Variants in URI1 observed in about 807,000 individuals in gnomAD.
URI1 encodes the protein unconventional prefoldin RPB5 interactor 1.
Under a neutral mutation model 60.2 loss-of-function variants are expected in URI1, and 39 were observed. That is an observed-to-expected ratio of 0.65 (90% CI 0.50 to 0.85). The LOEUF is 0.85. URI1 is among the 40% of genes least tolerant of loss of function. URI1 has a pLI of 0.00. For synonymous variants in URI1, 251 were observed against 236.8 expected (o/e 1.06, Z -0.55); for missense variants, 691 against 665.9 (o/e 1.04, Z -0.42).
Position 29,978,385 on chromosome 19 carries a change from AGGCAAAG to A in URI1, c.153-6834_153-6828del, listed in dbSNP as rs577064454. 8.3e-3 allele frequency among the ~76,000 whole-genome samples: 1,271 copies of A among 152,286 alleles called. 10 individuals carry two copies. Among genetic ancestry groups the A allele is most frequent in the Non-Finnish European group, 0.014 (978 of 68,016 alleles). On this transcript the variant is annotated intron_variant, in intron 2 of 10. Coordinates refer to ENST00000392271, the MANE Select transcript of URI1 (RefSeq NM_003796.3). ...CCAGCTCAAGTCCAGTATCTGACTG[AGGCAAAG>A]GGCTTAGGGCTTACTGCTTTGGGCA...
At chr19:29,965,928 G>A (rs1051231854) in intron 1 of URI1, among the ~76,000 whole-genome samples, 2 of 152,208 alleles carry the variant, frequency 1.3e-5, no homozygotes, top group Non-Finnish European at 2.9e-5. Flanking sequence ...AGAAGCCTGT[G>A]TAGGAGGAAT....
At chr19:29,923,766 C>A (rs2054842303) in intron 1 of URI1, 1 of 1,536,156 alleles carries the variant, frequency 6.5e-7, no homozygotes. Context: ...TGAGTTGAAG[C>A]TTGACAGTGT....
rs11673092 is a variant in URI1 at position 29,994,618 on chromosome 19, G to A, written c.367+8201G>A. On this transcript the variant is annotated intron_variant, in intron 4 of 10. Coordinates refer to ENST00000392271, the MANE Select transcript of URI1 (RefSeq NM_003796.3). ...TCAGAATTTCCTTTTTTTTAAGGATGAACAATATTTTATTTTGTGAATAAT... is the reference window on the plus strand; with the variant it reads ...TCAGAATTTCCTTTTTTTTAAGGATAAACAATATTTTATTTTGTGAATAAT... Among the ~76,000 whole-genome samples the A allele has an allele frequency of 8.5e-3, 1,292 of 152,076 alleles. 11 individuals carry two copies. The highest frequency in any genetic ancestry group is 0.017 in the Middle Eastern group (5 of 294).
In URI1 at chr19:29,924,481, A is replaced by G. The variant is rs544067438; in HGVS notation, c.63+727A>G. 5.8e-3 allele frequency among the ~76,000 whole-genome samples: 881 copies of G among 152,154 alleles called. 11 individuals are homozygous for G. Among genetic ancestry groups the G allele is most frequent in the African/African-American group, 0.02 (848 of 41,524 alleles). ...AGGGGGTTTCTGTCATTTTTTAGCC[A>G]CCTCGCTTTCATCCCTGGTCCTCAT... On this transcript the variant is annotated intron_variant, in intron 1 of 10. Transcript: ENST00000360605.
chr19:29,957,658 C>T (rs1469729128), intron 1 of URI1, among the ~76,000 whole-genome samples: 1 of 152,080 alleles, frequency 6.6e-6, no homozygotes, highest in African/African-American at 2.4e-5. Context: ...CTTTCCAATA[C>T]TCAAAAAATA....
chr19:29,924,985 A>G (rs2054853588), intron 1 of URI1, among the ~76,000 whole-genome samples: 3 of 152,076 alleles, frequency 2.0e-5, no homozygotes, highest in Non-Finnish European at 4.4e-5. Flanking sequence ...ACAGGCATGC[A>G]CCACCACGCC....
chr19:29,992,643 G>A (rs1599710203), intron 4 of URI1, among the ~76,000 whole-genome samples: 2 of 152,092 alleles, frequency 1.3e-5, no homozygotes, highest in Admixed American at 6.5e-5. Flanking sequence ...TGTATTTCAC[G>A]TGAACTTAAA....
intron 1 of URI1, among the ~76,000 whole-genome samples, chr19:29,963,194 C>G (rs1392244068): frequency 6.6e-6 from 1 of 152,196 alleles, no homozygotes. Flanking sequence ...AATTCAAGAT[C>G]TTTTCAATAT....
At chr19:29,974,545 T>G (rs1231304257) in intron 2 of URI1, among the ~76,000 whole-genome samples, 1 of 152,218 alleles carries the variant, frequency 6.6e-6, no homozygotes, top group Non-Finnish European at 1.5e-5. Context: ...TCTAAACTGT[T>G]CATTTCAACA....
intron 1 of URI1, among the ~76,000 whole-genome samples, chr19:29,953,697 T>TC (rs1182766522): frequency 1.3e-5 from 2 of 151,694 alleles, no homozygotes; most frequent in Non-Finnish European, 2.9e-5. Flanking sequence ...ATTAGTTTTT[T>TC]TTTTTTAGAG....
intron 2 of URI1, among the ~76,000 whole-genome samples, chr19:29,978,069 A>T (rs162921): frequency 0.034 from 5,167 of 152,132 alleles, 321 homozygotes; most frequent in African/African-American, 0.12. Context: ...CTGTAAATGC[A>T]TTTTTCTTTT....
intron 4 of URI1, among the ~76,000 whole-genome samples, chr19:29,995,006 T>G (rs182144706): frequency 1.9e-3 from 295 of 152,214 alleles, no homozygotes; most frequent in Middle Eastern, 6.8e-3. Context: ...GATCTTGAAC[T>G]CCTGACCTCA....
rs775821792 is a variant in URI1, at chr19:29,986,286, C to T, written c.236C>T (p.Pro79Leu). The change falls in exon 4 of 11, where the codon CCA becomes CTA. Residue 79 changes from proline to leucine, a missense_variant. Physicochemically the swap from Pro to Leu is moderately conservative, Grantham distance 98 (BLOSUM62 -3). Transcript: ENST00000392271. The part of the protein sequence containing the change: ...PDKLSYNIMV[P>L]FGPFAFMPGK... ...TTCTTTTTTTTTAAACAATAGGTAC[C>T]ATTTGGCCCTTTTGCCTTCATGCCA... The T allele has an allele frequency of 6.3e-7, 1 of 1,588,864 alleles. No homozygotes were observed. The highest frequency in any genetic ancestry group is 8.5e-7 in the Non-Finnish European group (1 of 1,173,210).
intron 1 of URI1, among the ~76,000 whole-genome samples, chr19:29,945,862 T>A (rs1316410072): frequency 3.6e-5 from 5 of 139,366 alleles, no homozygotes; most frequent in Non-Finnish European, 7.5e-5. Flanking sequence ...TTGGATGGGA[T>A]TTTTTTTTTT....
chr19:30,007,590 G>T lies in URI1; in HGVS notation c.638G>T (p.Arg213Leu), dbSNP rs769475335. The T allele has an allele frequency of 2.5e-6, 4 of 1,612,898 alleles. No homozygotes were observed. In the South Asian group the frequency reaches 3.3e-5, roughly 13 times the overall value. Residue 213 changes from arginine to leucine, a missense_variant, in exon 7 of 11, where the codon CGA becomes CTA. Physicochemically the swap from Arg to Leu is moderately radical, Grantham distance 102. Transcript: ENST00000392271. ...CTAGCTGATAAAGAACTGTGGGCTCGACTTGAAGAACTAGAGAGACAGGAA... is the reference window on the plus strand; with the variant it reads ...CTAGCTGATAAAGAACTGTGGGCTCTACTTGAAGAACTAGAGAGACAGGAA... ...DLLADKELWA[R>L]LEELERQEEL...
At chr19:29,972,786 A>G (rs987451890) in intron 2 of URI1, among the ~76,000 whole-genome samples, 6 of 152,146 alleles carry the variant, frequency 3.9e-5, no homozygotes, top group African/African-American at 1.4e-4. Flanking sequence ...AGTGACAGAA[A>G]TGTGACATTT....
intron 1 of URI1, among the ~76,000 whole-genome samples, chr19:29,964,459 G>GTTTTTTTTTTTTTTT (rs202018051): frequency 1.5e-5 from 2 of 133,384 alleles, no homozygotes; most frequent in African/African-American, 2.8e-5. Flanking sequence ...TTTGTTTTTT[G>GTTTTTTTTTTTTTTT]TTTTGTTTTT....
chr19:29,965,770 TAGTG>T (rs1484197889), intron 1 of URI1, among the ~76,000 whole-genome samples: 16 of 152,220 alleles, frequency 1.1e-4, no homozygotes, highest in African/African-American at 3.9e-4. Context: ...ATACTTAAGA[TAGTG>T]AGTAATGATT....
intron 1 of URI1, among the ~76,000 whole-genome samples, chr19:29,924,749 G>A (rs983854372): frequency 2.0e-5 from 3 of 152,214 alleles, no homozygotes; most frequent in Non-Finnish European, 4.4e-5. Context: ...GCCGGGGTGG[G>A]GCTCCACTGC....
Sources: allele counts gnomAD v4.1 joint callset (sites outside exome capture counted in the v4.1 genomes callset), GRCh38; gene constraint gnomAD v4.1.1; transcripts MANE v1.5; gene names NCBI Gene and HGNC (gene_info 2026-07-23, HGNC 2026-07-21).